The following FRMD5 variants were observed in gnomAD, a reference collection of about 807,000 sequenced individuals.
FRMD5 encodes the protein FERM domain containing 5, also known as FERM domain-containing protein 5.
FRMD5 carries 20 observed loss-of-function variants against 69.0 expected under a neutral mutation model. The observed-to-expected ratio is 0.29, with a 90% CI of 0.20 to 0.42. The LOEUF (loss-of-function observed/expected upper bound fraction) is 0.42. FRMD5 is among the 10% of genes least tolerant of loss of function. The pLI is 1.00. For missense variants in FRMD5, 595 were observed against 708.6 expected (o/e 0.84, Z 1.82); for synonymous variants, 271 against 260.1 (o/e 1.04, Z -0.40).
rs915587283 is a variant in FRMD5, at chr15:43,871,993, G to A, written c.*1892C>T. On this transcript the variant is annotated 3_prime_UTR_variant, in exon 14 of 14. Transcript: ENST00000417257. ...TCTAGAGCAGGATTGGCGTATTATG[G>A]CCTGTAGGCTAAATTCAGCTCACTG... The A allele has an allele frequency of 6.6e-6, 1 of 152,190 alleles. No individual in the cohort carries two copies. Among genetic ancestry groups the A allele is most frequent in the Admixed American group, 6.5e-5 (1 of 15,286 alleles). The allele number at this position is 152,190 out of a possible 1,614,324, so 9.4% of individuals were successfully genotyped here.
At chr15:44,063,381 T>A (rs1379795503) in intron 1 of FRMD5, 1 of 168,128 alleles carries the variant, frequency 5.9e-6, no homozygotes, top group Non-Finnish European at 1.3e-5. Flanking sequence ...TATTTTAATA[T>A]AAAACAGTCT....
rs143997893 is a variant in FRMD5 at position 43,893,178 on chromosome 15, T to C, written c.640-1109A>G. ...GTATGTGAATTACATCTTAAAAGGCTGTTATTAAAGAGTGGGGGAGTTGTT... is the reference window on the plus strand; with the variant it reads ...GTATGTGAATTACATCTTAAAAGGCCGTTATTAAAGAGTGGGGGAGTTGTT... On this transcript the variant is annotated intron_variant, in intron 7 of 13. Coordinates refer to ENST00000417257, the MANE Select transcript of FRMD5 (RefSeq NM_032892.5). Among the ~76,000 whole-genome samples the C allele has an allele frequency of 6.0e-3, 909 of 151,060 alleles. 6 individuals carry two copies. Among genetic ancestry groups the C allele is most frequent in the Non-Finnish European group, 8.1e-3 (547 of 67,796 alleles).
intron 1 of FRMD5, among the ~76,000 whole-genome samples, chr15:43,998,913 C>T (rs1890059777): frequency 2.0e-5 from 3 of 152,180 alleles, no homozygotes; most frequent in Admixed American, 2.0e-4. Context: ...AGAACACAGA[C>T]AATCTCTGGG....
intron 1 of FRMD5, among the ~76,000 whole-genome samples, chr15:43,941,664 G>A (rs1034200244): frequency 6.6e-6 from 1 of 152,188 alleles, no homozygotes; most frequent in Non-Finnish European, 1.5e-5. Flanking sequence ...AAAAATAAAA[G>A]TAGTAAATTA....
chr15:43,984,315 G>A lies in FRMD5; in HGVS notation c.103-60006C>T, dbSNP rs74681373. On this transcript the variant is annotated intron_variant, in intron 1 of 13. Coordinates refer to ENST00000417257, the MANE Select transcript of FRMD5 (RefSeq NM_032892.5). ...GTATATTCAACCCCTACCCAAACCC[G>A]CATCCCCATCTTCTCCTCTATACAC... Among the ~76,000 whole-genome samples, 111 of 152,166 alleles carry A rather than the reference G, an allele frequency of 7.3e-4. 2 individuals carry two copies. The East Asian group carries it at 0.019, about 26-fold the overall frequency.
intron 1 of FRMD5, among the ~76,000 whole-genome samples, chr15:44,155,302 C>T (rs899087922): frequency 2.0e-5 from 3 of 151,658 alleles, no homozygotes; most frequent in Admixed American, 1.3e-4. Flanking sequence ...CATGGTGGCA[C>T]GTGCCTGTAG....
chr15:44,161,379 C>T (rs951191963), intron 1 of FRMD5, among the ~76,000 whole-genome samples: 2 of 152,146 alleles, frequency 1.3e-5, no homozygotes, highest in Non-Finnish European at 2.9e-5. Flanking sequence ...TATTCACCCA[C>T]CAAATCATAA....
chr15:44,182,696 T>C (rs1419038795), intron 1 of FRMD5, among the ~76,000 whole-genome samples: 1 of 152,226 alleles, frequency 6.6e-6, no homozygotes, highest in Non-Finnish European at 1.5e-5. Context: ...AATCAACATA[T>C]ATTAAGCCCC....
chr15:44,051,177 A>T (rs1892649771), intron 1 of FRMD5, among the ~76,000 whole-genome samples: 1 of 80,546 alleles, frequency 1.2e-5, no homozygotes, highest in African/African-American at 5.0e-5. Flanking sequence ...TTTGAGATGG[A>T]GTCTTGCTCT....
intron 1 of FRMD5, among the ~76,000 whole-genome samples, chr15:44,134,534 C>T (rs143015650): frequency 6.6e-6 from 1 of 152,074 alleles, no homozygotes; most frequent in African/African-American, 2.4e-5. Context: ...CTGCAACCTC[C>T]GCCTCCCAGG....
At chr15:44,195,303 C>A, upstream of FRMD5, 1 of 505,570 alleles carries the variant, frequency 2.0e-6, no homozygotes, top group East Asian at 3.7e-5. Context: ...CCGTGCCCAG[C>A]TCGCGGGGCG....
At chr15:44,138,066 C>G (rs1168400508) in intron 1 of FRMD5, among the ~76,000 whole-genome samples, 2 of 152,228 alleles carry the variant, frequency 1.3e-5, no homozygotes, top group Admixed American at 6.5e-5. Context: ...GAGGCAACCA[C>G]AAAACTGATA....
intron 1 of FRMD5, among the ~76,000 whole-genome samples, chr15:44,146,289 T>C (rs560828479): frequency 6.6e-5 from 10 of 152,274 alleles, no homozygotes; most frequent in African/African-American, 2.4e-4. Context: ...CTGAGGATAA[T>C]GGTTTCCCGC....
chr15:44,034,742 G>T (rs1349948987), intron 1 of FRMD5, among the ~76,000 whole-genome samples: 1 of 152,130 alleles, frequency 6.6e-6, no homozygotes, highest in Non-Finnish European at 1.5e-5. Flanking sequence ...TCTTTTTCCA[G>T]GCTTTGGGCA....
At chr15:44,137,582 C>T (rs1339655213) in intron 1 of FRMD5, among the ~76,000 whole-genome samples, 2 of 152,124 alleles carry the variant, frequency 1.3e-5, no homozygotes, top group Non-Finnish European at 2.9e-5. Context: ...CACTGTAGCA[C>T]AGGAAGGCAT....
At chr15:44,094,898 T>C (rs943458005) in intron 1 of FRMD5, among the ~76,000 whole-genome samples, 1 of 152,118 alleles carries the variant, frequency 6.6e-6, no homozygotes, top group Non-Finnish European at 1.5e-5. Flanking sequence ...CACATTGAAA[T>C]GGCCTCTCTA....
At chr15:43,891,839 C>T (rs2088799497) in intron 8 of FRMD5, 142 bp downstream of exon 8, 9 of 665,200 alleles carry the variant, frequency 1.4e-5, no homozygotes, top group South Asian at 9.0e-5. Flanking sequence ...CCACTCCCTT[C>T]GTCAGTTACC....
intron 1 of FRMD5, among the ~76,000 whole-genome samples, chr15:44,013,920 G>A (rs144503430): frequency 2.7e-5 from 4 of 148,618 alleles, no homozygotes; most frequent in East Asian, 3.9e-4. Context: ...GCAGTGCTGC[G>A]ATCTCAGCTC....
chr15:44,093,576 T>G (rs1174893570), intron 1 of FRMD5, among the ~76,000 whole-genome samples: 1 of 147,310 alleles, frequency 6.8e-6, no homozygotes, highest in South Asian at 2.1e-4. Context: ...CATGCTATCT[T>G]TTTTTTTTTT....
Sources: gnomAD v4.1 joint callset for allele counts (sites outside exome capture counted in the v4.1 genomes callset) on GRCh38, gnomAD v4.1.1 for gene constraint, MANE v1.5 for transcripts, NCBI Gene and HGNC (gene_info 2026-07-23, HGNC 2026-07-21) for gene names.